The following MACF1 variants were observed in gnomAD, a reference collection of about 807,000 sequenced individuals.
MACF1 encodes the protein microtubule actin crosslinking factor 1.
Under a neutral mutation model 854.8 loss-of-function variants are expected in MACF1, and 193 were observed. That is an observed-to-expected ratio of 0.23 (90% CI 0.20 to 0.25). The LOEUF is 0.25. Ranked by LOEUF, MACF1 falls within the 10% of genes least tolerant of loss-of-function variation. MACF1 has a pLI of 1.00. For missense variants in MACF1, 7,722 were observed against 8,929.1 expected (o/e 0.86, Z 5.45); for synonymous variants, 3,185 against 3,226.7 (o/e 0.99, Z 0.44).
At chr1:39,317,838 T>C (rs1646442190) in intron 29 of MACF1, among the ~76,000 whole-genome samples, 1 of 152,244 alleles carries the variant, frequency 6.6e-6, no homozygotes, top group Admixed American at 6.5e-5. Flanking sequence ...CTAGAGGTCC[T>C]GCTTCTAATG....
At chr1:39,396,303 G>C (rs1356382822) in intron 58 of MACF1, among the ~76,000 whole-genome samples, 1 of 145,154 alleles carries the variant, frequency 6.9e-6, no homozygotes, top group African/African-American at 2.6e-5. Flanking sequence ...CTGGGTGACA[G>C]AGCGAGACTC....
chr1:39,349,025 T>C (rs568693899), intron 41 of MACF1, among the ~76,000 whole-genome samples: 5 of 152,320 alleles, frequency 3.3e-5, no homozygotes, highest in Non-Finnish European at 7.4e-5. Flanking sequence ...GATTAACTTA[T>C]GAATTATCCA....
chr1:39,344,655 A>G (rs1332889417), intron 40 of MACF1, among the ~76,000 whole-genome samples: 2 of 152,130 alleles, frequency 1.3e-5, no homozygotes, highest in African/African-American at 4.8e-5. Flanking sequence ...GAGGGGTCGC[A>G]TGTGCAGTGT....
At chr1:39,269,001 C>G in intron 6 of MACF1, 1 of 1,287,228 alleles carries the variant, frequency 7.8e-7, no homozygotes, top group Non-Finnish European at 1.0e-6. Context: ...GGTAGTCGAT[C>G]GGGGGATGAT....
chr1:39,142,016 G>A (rs1394516843), intron 2 of MACF1, among the ~76,000 whole-genome samples: 2 of 152,196 alleles, frequency 1.3e-5, no homozygotes, highest in Non-Finnish European at 2.9e-5. Flanking sequence ...CTTAGAGCTG[G>A]TATCTGGTCT....
chr1:39,306,627 TTA>T (rs1379180434), intron 23 of MACF1, among the ~76,000 whole-genome samples: 1 of 149,834 alleles, frequency 6.7e-6, no homozygotes, highest in Non-Finnish European at 1.5e-5. Context: ...TTTTTTTTTT[TTA>T]GTCCGGACCT....
At chr1:39,088,457 T>A (rs758079003) in intron 2 of MACF1, among the ~76,000 whole-genome samples, 1 of 152,228 alleles carries the variant, frequency 6.6e-6, no homozygotes, top group East Asian at 1.9e-4. Flanking sequence ...CTTCTGTAGT[T>A]GACAATCTAA....
intron 3 of MACF1, among the ~76,000 whole-genome samples, chr1:39,250,900 C>T (rs1004802354): frequency 6.6e-6 from 1 of 152,162 alleles, no homozygotes; most frequent in African/African-American, 2.4e-5. Context: ...CCATATGGTT[C>T]ATACTCTTTC....
chr1:39,459,325 T>G, intron 91 of MACF1, 76 bp downstream of exon 91: 1 of 1,430,186 alleles, frequency 7.0e-7, no homozygotes, highest in Non-Finnish European at 9.5e-7. Flanking sequence ...TGAGGCTCTC[T>G]TAATGTGAAC....
chr1:39,128,166 A>C (rs963647381), intron 2 of MACF1, among the ~76,000 whole-genome samples: 3 of 150,516 alleles, frequency 2.0e-5, no homozygotes, highest in African/African-American at 7.3e-5. Context: ...CATGAGCCTT[A>C]CCTCTTATTT....
At chr1:39,099,175 G>A (rs1642006040) in intron 2 of MACF1, among the ~76,000 whole-genome samples, 1 of 152,108 alleles carries the variant, frequency 6.6e-6, no homozygotes, top group African/African-American at 2.4e-5. Flanking sequence ...TTTTTTTTGA[G>A]ATGGAGTTTT....
At chr1:39,450,303 A>AG (rs1644314793) in intron 84 of MACF1, among the ~76,000 whole-genome samples, 1 of 91,992 alleles carries the variant, frequency 1.1e-5, no homozygotes, top group Non-Finnish European at 2.2e-5. Context: ...CCTGTACTCC[A>AG]ATTTTTTTTT....
At chr1:39,153,786 C>A (rs1023768859) in intron 2 of MACF1, among the ~76,000 whole-genome samples, 1 of 152,194 alleles carries the variant, frequency 6.6e-6, no homozygotes, top group African/African-American at 2.4e-5. Flanking sequence ...CTGGGGACAG[C>A]CCTTTCTTCA....
intron 6 of MACF1, among the ~76,000 whole-genome samples, chr1:39,262,953 A>G (rs1645181797): frequency 6.6e-6 from 1 of 151,996 alleles, no homozygotes. Context: ...TGACTACTGA[A>G]GGATCATGTG....
In MACF1 at chr1:39,379,249, T is replaced by C. The variant is rs769829955; in HGVS notation, c.13323T>C (p.Tyr4441=). 2.5e-6 allele frequency: 4 copies of C among 1,611,232 alleles called. No homozygotes were observed. The highest frequency in any genetic ancestry group is 3.4e-6 in the Non-Finnish European group (4 of 1,178,970). The change falls in exon 54 of 101, where the codon TAT becomes TAC. Residue 4441 remains tyrosine (Y), a synonymous_variant. Coordinates refer to ENST00000564288, the MANE Select transcript of MACF1 (RefSeq NM_001394062.1). ...ACATGTCAGATGTAAACTTGAAGTA[T>C]GAGAAACTAGGGGGAGTACTTCATG... The part of the protein sequence containing the change: ...QCDMSDVNLK[Y]EKLGGVLHER...
chr1:39,358,953 C>A, intron 46 of MACF1, 80 bp downstream of exon 46: 2 of 1,499,630 alleles, frequency 1.3e-6, no homozygotes, highest in South Asian at 2.6e-5. Context: ...AAAGCAAATG[C>A]TTACATAAAA....
intron 97 of MACF1, among the ~76,000 whole-genome samples, 199 bp from the exon 98 acceptor site, chr1:39,479,599 G>A (rs1171850522): frequency 6.6e-6 from 1 of 152,184 alleles, no homozygotes; most frequent in Non-Finnish European, 1.5e-5. Context: ...TTATTATACA[G>A]TTAACATATC....
At chr1:39,092,173 G>A (rs542345733) in intron 2 of MACF1, among the ~76,000 whole-genome samples, 2 of 152,326 alleles carry the variant, frequency 1.3e-5, no homozygotes, top group South Asian at 4.1e-4. Context: ...CTTCCCGGTG[G>A]TTTGCATCTA....
intron 14 of MACF1, among the ~76,000 whole-genome samples, chr1:39,286,189 T>G (rs1046118316): frequency 6.6e-5 from 10 of 152,074 alleles, no homozygotes; most frequent in African/African-American, 1.9e-4. Flanking sequence ...AATTTTTGTA[T>G]TTTTAGTAGA....
Sources: gnomAD v4.1 joint callset for allele counts (sites outside exome capture counted in the v4.1 genomes callset) on GRCh38, gnomAD v4.1.1 for gene constraint, MANE v1.5 for transcripts, NCBI Gene and HGNC (gene_info 2026-07-23, HGNC 2026-07-21) for gene names.